The following SCMH1 variants were observed in gnomAD, a reference collection of about 807,000 sequenced individuals.
SCMH1 encodes the protein Scm polycomb group protein homolog 1, also known as polycomb protein SCMH1.
A neutral mutation model predicts 70.8 loss-of-function variants in SCMH1; 37 were observed. That is an observed-to-expected ratio of 0.52 (90% CI 0.40 to 0.69). The LOEUF is 0.69. Among genes scored for constraint, SCMH1 ranks in the 30% least tolerant of loss-of-function variants. The pLI is 0.00. For missense variants in SCMH1, 607 were observed against 827.3 expected, an observed-to-expected ratio of 0.73 and a Z score of 3.27; for synonymous variants, 292 against 307.4, an observed-to-expected ratio of 0.95 and a Z score of 0.52.
chr1:41,161,396 C>T, exon 3 of SCMH1: 1 of 1,550,296 alleles, frequency 6.5e-7, no homozygotes, highest in South Asian at 1.2e-5. Flanking sequence ...TGATAGGTGA[C>T]CATATTTGTG....
At chr1:41,047,799 T>A (rs989271504) in intron 11 of SCMH1, among the ~76,000 whole-genome samples, 5 of 152,200 alleles carry the variant, frequency 3.3e-5, no homozygotes, top group African/African-American at 1.2e-4. Flanking sequence ...TCTGTATACA[T>A]TTCCCTATTA....
chr1:41,034,885 CTT>C (rs34186952), intron 13 of SCMH1, among the ~76,000 whole-genome samples: 1 of 152,180 alleles, frequency 6.6e-6, no homozygotes, highest in Non-Finnish European at 1.5e-5. Context: ...TAAATGAAGA[CTT>C]TTTGTTACTT....
chr1:41,239,027 C>A (rs1312984967), intron 1 of SCMH1, among the ~76,000 whole-genome samples: 2 of 152,174 alleles, frequency 1.3e-5, no homozygotes, highest in Non-Finnish European at 2.9e-5. Flanking sequence ...TTCTCAGATT[C>A]ATTTCTTTCT....
At chr1:41,168,780 A>AT (rs1428598356) in intron 2 of SCMH1, among the ~76,000 whole-genome samples, 1 of 152,092 alleles carries the variant, frequency 6.6e-6, no homozygotes, top group Non-Finnish European at 1.5e-5. Context: ...CCAGCCAAAA[A>AT]TTTTAAGGTG....
intron 10 of SCMH1, among the ~76,000 whole-genome samples, chr1:41,057,452 T>C (rs1650809106): frequency 6.6e-6 from 1 of 152,080 alleles, no homozygotes; most frequent in South Asian, 2.1e-4. Flanking sequence ...GGTTTTGCCA[T>C]GTTGCCAGGC....
At chr1:41,213,572 CAGAG>C (rs1156671829) in intron 1 of SCMH1, among the ~76,000 whole-genome samples, 1 of 152,094 alleles carries the variant, frequency 6.6e-6, no homozygotes, top group African/African-American at 2.4e-5. Context: ...GCCAAAGACA[CAGAG>C]AGACCAAGAA....
intron 11 of SCMH1, among the ~76,000 whole-genome samples, chr1:41,048,200 T>G (rs1022101661): frequency 2.0e-5 from 3 of 152,354 alleles, no homozygotes; most frequent in Non-Finnish European, 2.9e-5. Flanking sequence ...ACTGTGTCAC[T>G]GAATCAAACT....
chr1:41,041,203 G>C (rs1001052029), intron 12 of SCMH1: 1 of 151,924 alleles, frequency 6.6e-6, no homozygotes, highest in Non-Finnish European at 1.5e-5. Context: ...CATAGTCCTT[G>C]TGCATGTTTA....
intron 1 of SCMH1, among the ~76,000 whole-genome samples, chr1:41,235,568 C>T (rs12039919): frequency 1.5e-5 from 1 of 66,844 alleles, no homozygotes; most frequent in South Asian, 5.2e-4. Flanking sequence ...GAGACTCCGT[C>T]TAAAAAAAAA....
chr1:41,095,758 T>C (rs756055931), intron 8 of SCMH1, among the ~76,000 whole-genome samples: 8 of 152,316 alleles, frequency 5.3e-5, no homozygotes, highest in Non-Finnish European at 8.8e-5. Context: ...CTTGTATTTC[T>C]GGGAAACTAA....
intron 1 of SCMH1, among the ~76,000 whole-genome samples, chr1:41,208,443 A>T (rs111411937): frequency 1.3e-4 from 14 of 109,338 alleles, no homozygotes; most frequent in Admixed American, 1.1e-3. Context: ...ATTAAAAAAA[A>T]AAAATAAAAA....
chr1:41,153,691 C>G (rs1220648245), intron 4 of SCMH1, among the ~76,000 whole-genome samples: 1 of 152,166 alleles, frequency 6.6e-6, no homozygotes, highest in Non-Finnish European at 1.5e-5. Context: ...GGCTGACTGG[C>G]TTGAACCATA....
At chr1:41,205,225 G>A (rs182028185) in intron 1 of SCMH1, among the ~76,000 whole-genome samples, 231 of 152,308 alleles carry the variant, frequency 1.5e-3, no homozygotes, top group Admixed American at 3.3e-3. Flanking sequence ...AGGGCAAGCC[G>A]AAGCATGACG....
intron 4 of SCMH1, among the ~76,000 whole-genome samples, chr1:41,152,027 G>A (rs187533405): frequency 4.6e-5 from 7 of 152,244 alleles, no homozygotes; most frequent in Admixed American, 1.3e-4. Context: ...GAAAGTGGGT[G>A]GGGAGATTCC....
chr1:41,226,445 T>TGAAAG (rs1660284184), intron 1 of SCMH1, among the ~76,000 whole-genome samples: 1 of 152,114 alleles, frequency 6.6e-6, no homozygotes, highest in African/African-American at 2.4e-5. Flanking sequence ...GACATAAGGA[T>TGAAAG]TACTTTTGTA....
At position 41,118,620 on chromosome 1, in the gene SCMH1, T is replaced by C. The variant is rs139380400; in HGVS notation, c.413-1610A>G. 3.0e-3 allele frequency among the ~76,000 whole-genome samples: 451 copies of C among 152,308 alleles called. 5 individuals are homozygous for C. The highest frequency in any genetic ancestry group is 9.8e-3 in the African/African-American group (407 of 41,582). ...GACCAAGGAATGACATTGGAAAGGA[T>C]TGTCCTATCCAAAAATCTTCATTTT... On this transcript the variant is annotated intron_variant, in intron 6 of 14. Coordinates refer to ENST00000337495, the Ensembl canonical transcript of SCMH1.
In SCMH1 at chr1:41,113,180, C is replaced by A; in HGVS notation, c.745+103G>T. On this transcript the variant is annotated intron_variant, in intron 8 of 14. Coordinates refer to ENST00000337495, the Ensembl canonical transcript of SCMH1. This position sits in a 1 kb window ranked among gnomAD's most constrained non-coding sequence, Gnocchi z 4.3. ...GCTGCTGGCCCTTGCTCCTCCCCTG[C>A]ATACTAGTGAAGTATACTGGTGAAG... The A allele has an allele frequency of 1.4e-6, 2 of 1,429,548 alleles. No homozygotes were observed. The highest frequency in any genetic ancestry group is 2.6e-4 in the Middle Eastern group (1 of 3,894). 88.6% of individuals were successfully genotyped at this position (1,429,548 alleles called of 1,614,324 possible).
chr1:41,071,939 T>C (rs987040022), intron 9 of SCMH1, among the ~76,000 whole-genome samples: 2 of 152,182 alleles, frequency 1.3e-5, no homozygotes, highest in East Asian at 3.8e-4. Flanking sequence ...GTTGGGATTA[T>C]AGGCAGGAGC....
intron 8 of SCMH1, among the ~76,000 whole-genome samples, chr1:41,078,249 A>T (rs1658968665): frequency 6.6e-6 from 1 of 152,202 alleles, no homozygotes. Context: ...GAGATTAAGT[A>T]GACACAGTCA....
Sources: gnomAD v4.1 joint callset for allele counts (sites outside exome capture counted in the v4.1 genomes callset) on GRCh38, gnomAD v4.1.1 for gene constraint, Gnocchi (gnomAD v3.1) non-coding constraint, MANE v1.5 for transcripts, NCBI Gene and HGNC (gene_info 2026-07-23, HGNC 2026-07-21) for gene names.